Variants in UNC80 observed in about 807,000 individuals in gnomAD.
UNC80 encodes the protein protein unc-80 homolog.
In UNC80, 164 loss-of-function variants were observed where a neutral mutation model predicts 384.6. That is an observed-to-expected ratio of 0.43 (90% CI 0.38 to 0.49). UNC80 has a LOEUF of 0.49. Among genes scored for constraint, UNC80 ranks in the 20% least tolerant of loss-of-function variants. The pLI is 0.00. For synonymous variants in UNC80, 1,486 were observed against 1,527.8 expected, an observed-to-expected ratio of 0.97 and a Z score of 0.64; for missense variants, 3,330 against 4,143.0, an observed-to-expected ratio of 0.80 and a Z score of 5.39.
intron 7 of UNC80, among the ~76,000 whole-genome samples, chr2:209,800,154 T>C (rs1159021235): frequency 6.6e-6 from 1 of 152,170 alleles, no homozygotes; most frequent in Non-Finnish European, 1.5e-5. Flanking sequence ...CAGCTCTTCT[T>C]TGTATTTCTG....
intron 29 of UNC80, among the ~76,000 whole-genome samples, chr2:209,905,464 C>T (rs6748890): frequency 0.016 from 2,481 of 152,142 alleles, 77 homozygotes; most frequent in African/African-American, 0.056. Context: ...CAGTATGATG[C>T]GGGGCCATGA....
At chr2:209,944,963 T>A in intron 45 of UNC80, 88 bp from the exon 46 acceptor site, 2 of 1,413,298 alleles carry the variant, frequency 1.4e-6, no homozygotes, top group Non-Finnish European at 1.9e-6. Context: ...TTGTTACTGG[T>A]AATAGCATTT....
chr2:209,848,542 G>A (rs1184004801), intron 21 of UNC80, among the ~76,000 whole-genome samples: 1 of 152,046 alleles, frequency 6.6e-6, no homozygotes, highest in Admixed American at 6.6e-5. Context: ...ATTTAGAAAT[G>A]GCCATATTTG....
At position 209,820,304 on chromosome 2, in the gene UNC80, T is replaced by C. The variant is rs1472003632; in HGVS notation, c.1963-7T>C. 6.6e-7 allele frequency: 1 copy of C among 1,521,790 alleles called. No individual in the cohort carries two copies. Among genetic ancestry groups the C allele is most frequent in the Non-Finnish European group, 8.8e-7 (1 of 1,134,714 alleles). 94.3% of individuals were successfully genotyped at this position (1,521,790 alleles called of 1,614,324 possible). A position where few individuals can be genotyped will look rare whatever the true frequency, so the allele number is the denominator to read the frequency against. ...TAATCATGCTGTGTTTATCTTGTTT[T>C]CCTCAGGTAGTTCTGAAGGCTGTTT... On this transcript the variant is annotated splice_region_variant and splice_polypyrimidine_tract_variant and intron_variant, in intron 12 of 64. Transcript: ENST00000673920.
rs142004905 is a variant in UNC80, at chr2:209,832,175, G to A, written c.2775+584G>A. 5.9e-3 allele frequency among the ~76,000 whole-genome samples: 904 copies of A among 152,182 alleles called. 9 individuals are homozygous for A. Among genetic ancestry groups the A allele is most frequent in the African/African-American group, 0.021 (857 of 41,506 alleles). On this transcript the variant is annotated intron_variant, in intron 16 of 64. Transcript: ENST00000673920. The stretch of plus-strand genomic sequence containing the variant: ...CTCAGGGGGAGGGTGGAAAGGAGTT[G>A]AGGGATAAAAGACCACAAATCGAGT...
intron 21 of UNC80, among the ~76,000 whole-genome samples, chr2:209,847,550 G>A (rs2082257422): frequency 6.6e-6 from 1 of 151,936 alleles, no homozygotes; most frequent in Non-Finnish European, 1.5e-5. Flanking sequence ...AAGAATATAG[G>A]TTCTTGCTGT....
chr2:209,975,027 G>A (rs1347356921), intron 56 of UNC80, among the ~76,000 whole-genome samples: 3 of 152,240 alleles, frequency 2.0e-5, no homozygotes, highest in Middle Eastern at 3.4e-3. Context: ...AAGGAATCTT[G>A]CAATCTCTCT....
At chr2:209,866,430 C>T (rs150540180) in intron 22 of UNC80, among the ~76,000 whole-genome samples, 184 of 149,612 alleles carry the variant, frequency 1.2e-3, no homozygotes, top group African/African-American at 4.4e-3. Context: ...GTTGTCACAA[C>T]TTGGGGATTG....
Position 209,971,015 on chromosome 2 carries a change from C to A in UNC80, c.8256+58C>A, listed in dbSNP as rs535160559. 1.3e-5 allele frequency: 20 copies of A among 1,509,010 alleles called. No homozygotes were observed. In the East Asian group the frequency reaches 4.7e-4, roughly 36 times the overall value. 93.5% of individuals were successfully genotyped at this position (1,509,010 alleles called of 1,614,324 possible). A position where few individuals can be genotyped will look rare whatever the true frequency, so the allele number is the denominator to read the frequency against. ...TAAGTTGCTGGTTGAGGCACCAGAT[C>A]ATGGTGTTCTCGTTTTTTTCTGCAA... On this transcript the variant is annotated intron_variant, in intron 54 of 64. Transcript: ENST00000673920.
At chr2:209,818,943 T>A (rs1574584536) in intron 11 of UNC80, 50 bp from the exon 12 acceptor site, 3 of 1,524,402 alleles carry the variant, frequency 2.0e-6, no homozygotes, top group East Asian at 4.9e-5. Context: ...GTCTAACTGG[T>A]ATTGTAGGTT....
intron 22 of UNC80, among the ~76,000 whole-genome samples, chr2:209,865,973 C>T (rs998053734): frequency 9.2e-5 from 14 of 152,112 alleles, no homozygotes; most frequent in Non-Finnish European, 1.9e-4. Context: ...ATTGACAATC[C>T]TTTATAGGTA....
At chr2:209,786,271 C>G in intron 5 of UNC80, 82 bp downstream of exon 5, 1 of 1,479,438 alleles carries the variant, frequency 6.8e-7, no homozygotes, top group East Asian at 2.4e-5. Context: ...TAATTTGCCC[C>G]TAAGAAGTCA....
chr2:209,903,688 G>T (rs552171485), intron 28 of UNC80, among the ~76,000 whole-genome samples: 2 of 132,908 alleles, frequency 1.5e-5, no homozygotes, highest in South Asian at 4.5e-4. Context: ...TGGTTAGAGG[G>T]GGAATGTATT....
intron 7 of UNC80, among the ~76,000 whole-genome samples, chr2:209,804,260 G>T (rs551655683): frequency 6.6e-6 from 1 of 152,128 alleles, no homozygotes; most frequent in Non-Finnish European, 1.5e-5. Flanking sequence ...AGAGGCACTC[G>T]TCCTTATTAG....
chr2:209,792,886 G>T (rs1205277487), intron 6 of UNC80, among the ~76,000 whole-genome samples: 1 of 152,172 alleles, frequency 6.6e-6, no homozygotes, highest in Non-Finnish European at 1.5e-5. Flanking sequence ...TTAAGGGTCA[G>T]ATTCATCTAA....
chr2:209,984,984 C>T, intron 61 of UNC80, 72 bp downstream of exon 61: 1 of 1,253,624 alleles, frequency 8.0e-7, no homozygotes, highest in South Asian at 1.4e-5. Context: ...TCCTCTGTCT[C>T]TCTGTCTTCT....
chr2:209,922,623 G>A (rs2124954456), intron 35 of UNC80, among the ~76,000 whole-genome samples: 2 of 152,240 alleles, frequency 1.3e-5, no homozygotes, highest in South Asian at 4.1e-4. Flanking sequence ...ATTGCTGAGG[G>A]TTCAGAATAC....
chr2:209,787,540 G>T (rs1414594608), intron 5 of UNC80, among the ~76,000 whole-genome samples: 2 of 152,086 alleles, frequency 1.3e-5, no homozygotes, highest in Non-Finnish European at 2.9e-5. Context: ...ACAGCATTTT[G>T]GTCAATGACT....
rs566809124 is a variant in UNC80 at position 209,775,345 on chromosome 2, A to C, written c.142-544A>C. ...TCCACAGATATATTAAGTATCTTTTATTGTTCCAGGCATTAGGTAGAGAGT... is the reference window on the plus strand; with the variant it reads ...TCCACAGATATATTAAGTATCTTTTCTTGTTCCAGGCATTAGGTAGAGAGT... On this transcript the variant is annotated intron_variant, in intron 2 of 64. Coordinates refer to ENST00000673920, the MANE Select transcript of UNC80 (RefSeq NM_001371986.1). Among the ~76,000 whole-genome samples, 15 of 152,106 alleles carry C rather than the reference A, an allele frequency of 9.9e-5. No individual in the cohort carries two copies. The East Asian group carries it at 2.7e-3, about 27-fold the overall frequency.
Sources: gnomAD v4.1 joint callset for allele counts (sites outside exome capture counted in the v4.1 genomes callset) on GRCh38, gnomAD v4.1.1 for gene constraint, MANE v1.5 for transcripts, NCBI Gene and HGNC (gene_info 2026-07-23, HGNC 2026-07-21) for gene names.